Variants in GRB14 observed in about 807,000 individuals in gnomAD.
GRB14 encodes the protein growth factor receptor bound protein 14.
In GRB14, 38 loss-of-function variants were observed where a neutral mutation model predicts 69.1. The ratio of observed to expected loss-of-function variants is 0.55; its 90% CI spans 0.42 to 0.72. GRB14 has a LOEUF of 0.72. GRB14 is among the 30% of genes least tolerant of loss of function. GRB14 has a pLI of 0.00. For synonymous variants in GRB14, 247 were observed against 241.3 expected (o/e 1.02, Z -0.22); for missense variants, 666 against 666.1 (o/e 1.00, Z 0.00).
At chr2:164,494,995 A>C (rs1405998182) in intron 12 of GRB14, among the ~76,000 whole-genome samples, 3 of 152,046 alleles carry the variant, frequency 2.0e-5, no homozygotes, top group Non-Finnish European at 2.9e-5. Context: ...TCTGTCACCC[A>C]GGCTGGAGTG....
chr2:164,609,396 C>G (rs905947320), intron 2 of GRB14, among the ~76,000 whole-genome samples: 4 of 152,186 alleles, frequency 2.6e-5, no homozygotes, highest in Non-Finnish European at 5.9e-5. Context: ...CCCAACTTCT[C>G]CCTGTGTCCA....
intron 2 of GRB14, among the ~76,000 whole-genome samples, chr2:164,584,463 CTTTTCCA>C (rs1016750257): frequency 3.3e-5 from 5 of 151,800 alleles, no homozygotes; most frequent in African/African-American, 1.2e-4. Context: ...TCTTTAAGTA[CTTTTCCA>C]TTTATAAGAA....
intron 2 of GRB14, among the ~76,000 whole-genome samples, chr2:164,575,791 A>G (rs1689237532): frequency 6.6e-6 from 1 of 152,158 alleles, no homozygotes; most frequent in South Asian, 2.1e-4. Flanking sequence ...CAGAAATATA[A>G]ACTTTTCTAA....
At chr2:164,558,829 T>G (rs1352390547) in intron 2 of GRB14, among the ~76,000 whole-genome samples, 3 of 152,164 alleles carry the variant, frequency 2.0e-5, no homozygotes, top group Non-Finnish European at 4.4e-5. Context: ...AATAAGTGTT[T>G]AGAAGAGAGG....
chr2:164,504,066 G>A (rs1409492347), intron 8 of GRB14, among the ~76,000 whole-genome samples: 1 of 152,080 alleles, frequency 6.6e-6, no homozygotes, highest in Non-Finnish European at 1.5e-5. Flanking sequence ...CATTACATGT[G>A]AGAAAATCTC....
In GRB14 at chr2:164,493,071, T is replaced by C; in HGVS notation, c.1588A>G (p.Lys530Glu). ...YQLNKGVLPCKLKHYCARIAL is the reference protein window; with the variant it reads ...YQLNKGVLPCELKHYCARIAL ...ATCCTAGCACAATAATGTTTCAACT[T>C]GCAAGGAAGAACGCCCTTATTGAGT... Residue 530 changes from lysine to glutamate, a missense_variant, in exon 14 of 14, where the codon AAG (lysine) becomes GAG (glutamate). Physicochemically the swap from Lys to Glu is moderately conservative, Grantham distance 56. Coordinates refer to ENST00000263915, the MANE Select transcript of GRB14 (RefSeq NM_004490.3). The C allele has an allele frequency of 2.5e-6, 4 of 1,613,690 alleles. No homozygotes were observed. The highest frequency in any genetic ancestry group is 3.4e-6 in the Non-Finnish European group (4 of 1,179,696).
intron 2 of GRB14, among the ~76,000 whole-genome samples, chr2:164,587,606 A>G (rs1689568716): frequency 6.6e-6 from 1 of 152,180 alleles, no homozygotes; most frequent in Non-Finnish European, 1.5e-5. Context: ...CTAACAAATA[A>G]TATTACTGCC....
At chr2:164,598,144 T>C (rs571401668) in intron 2 of GRB14, among the ~76,000 whole-genome samples, 1 of 152,210 alleles carries the variant, frequency 6.6e-6, no homozygotes, top group South Asian at 2.1e-4. Flanking sequence ...CTATCCTCCA[T>C]TGCTCAACAA....
Position 164,619,817 on chromosome 2 carries a change from C to T in GRB14, c.194G>A (p.Arg65Lys). The T allele has an allele frequency of 1.3e-5, 21 of 1,604,352 alleles. No individual in the cohort carries two copies. The highest frequency in any genetic ancestry group is 1.8e-5 in the Non-Finnish European group (21 of 1,174,938). Residue 65 changes from arginine (R) to lysine (K), a missense_variant and splice_region_variant, in exon 2 of 14, where the codon AGA becomes AAA. Arg to Lys is a conservative substitution (Grantham distance 26). Transcript: ENST00000263915. Reference sequence around the variant, plus strand: ...CGGAACATCAAGATCTTTCTTTTTTCTCCTACAGTAAGAGAACATAGGATG... The same window carrying T: ...CGGAACATCAAGATCTTTCTTTTTTTTCCTACAGTAAGAGAACATAGGATG... The part of the protein sequence containing the change: ...DGTRGCAADR[R>K]KKKDLDVPEM...
At chr2:164,524,108 A>G (rs965410304) in intron 5 of GRB14, among the ~76,000 whole-genome samples, 11 of 152,122 alleles carry the variant, frequency 7.2e-5, no homozygotes, top group African/African-American at 2.7e-4. Context: ...CCTATTAAAA[A>G]GCCCACAGAA....
At chr2:164,507,047 G>A (rs1687210938) in intron 8 of GRB14, among the ~76,000 whole-genome samples, 1 of 152,132 alleles carries the variant, frequency 6.6e-6, no homozygotes, top group Admixed American at 6.5e-5. Context: ...AAACGCCACT[G>A]AATTATTCAC....
chr2:164,554,537 G>A (rs1241082357), intron 2 of GRB14, among the ~76,000 whole-genome samples: 3 of 152,064 alleles, frequency 2.0e-5, no homozygotes, highest in Admixed American at 1.3e-4. Context: ...TAAACAGAGC[G>A]TCCAAAGAAG....
intron 2 of GRB14, among the ~76,000 whole-genome samples, chr2:164,602,986 T>C (rs12692725): frequency 0.15 from 23,372 of 151,934 alleles, 1,939 homozygotes; most frequent in African/African-American, 0.18. Context: ...AAGAAAGACA[T>C]TGTACAAAAC....
At position 164,568,407 on chromosome 2, in the gene GRB14, G is replaced by A. The variant is rs114451955; in HGVS notation, c.325-20591C>T. The A allele has an allele frequency of 6.8e-4, 872 of 1,276,794 alleles. 5 individuals are homozygous for A. In the African/African-American group the frequency reaches 0.011, roughly 16 times the overall value. 79.1% of individuals were successfully genotyped at this position (1,276,794 alleles called of 1,614,324 possible). ...GCTCTTCTTAGAATGATCCTGTCTC[G>A]TAGGTCATGGACAAAATAAAAGAAA... On this transcript the variant is annotated intron_variant, in intron 2 of 13. Coordinates refer to ENST00000263915, the MANE Select transcript of GRB14 (RefSeq NM_004490.3).
At chr2:164,610,124 G>A (rs1182403247) in intron 2 of GRB14, among the ~76,000 whole-genome samples, 1 of 152,146 alleles carries the variant, frequency 6.6e-6, no homozygotes, top group African/African-American at 2.4e-5. Flanking sequence ...ACAACCCTTG[G>A]AAAGTCTTCA....
At chr2:164,519,182 T>C (rs1233302268) in intron 6 of GRB14, among the ~76,000 whole-genome samples, 1 of 152,144 alleles carries the variant, frequency 6.6e-6, no homozygotes. Flanking sequence ...CATGATCAAG[T>C]GGGTTATATA....
At chr2:164,571,226 T>C (rs901367086) in intron 2 of GRB14, among the ~76,000 whole-genome samples, 12 of 152,320 alleles carry the variant, frequency 7.9e-5, no homozygotes, top group Non-Finnish European at 1.8e-4. Flanking sequence ...ACTTTGCCAC[T>C]CACTAACCTT....
chr2:164,502,161 C>T (rs1327495317), intron 9 of GRB14, 94 bp downstream of exon 9: 28 of 620,996 alleles, frequency 4.5e-5, no homozygotes, highest in East Asian at 2.0e-4. Flanking sequence ...CAGAAAATAA[C>T]ATAAATTATT....
intron 3 of GRB14, among the ~76,000 whole-genome samples, chr2:164,529,137 TA>T (rs1687856574): frequency 6.6e-6 from 1 of 152,196 alleles, no homozygotes; most frequent in Non-Finnish European, 1.5e-5. Flanking sequence ...GCTATTTTGC[TA>T]AGTGAAATAA....
Sources: gnomAD v4.1 joint callset for allele counts (sites outside exome capture counted in the v4.1 genomes callset) on GRCh38, gnomAD v4.1.1 for gene constraint, MANE v1.5 for transcripts, NCBI Gene and HGNC (gene_info 2026-07-23, HGNC 2026-07-21) for gene names.